MALRD1: variants seen among roughly 807,000 people sequenced by gnomAD.
MALRD1 encodes MAM and LDL receptor class A domain containing 1.
A neutral mutation model predicts 242.1 loss-of-function variants in MALRD1; 247 were observed. That is an observed-to-expected ratio of 1.02 (90% CI 0.92 to 1.13). MALRD1 has a LOEUF of 1.13. Ranked by LOEUF, MALRD1 falls within the 50% of genes most tolerant of loss-of-function variation. The pLI, the probability that MALRD1 is intolerant of heterozygous loss-of-function variation, is 0.00. For missense variants in MALRD1, 2,989 were observed against 2,533.1 expected (o/e 1.18, Z -3.86); for synonymous variants, 995 against 866.6 (o/e 1.15, Z -2.60).
Position 19,733,637 on chromosome 10 carries a change from A to AT in MALRD1, c.6391-511dup, listed in dbSNP as rs954502298. ...TCATCTCTAGGTTCCATTCTGTCTT[A>AT]TTTTTTTTTCTTGCACATTATTTGT... On this transcript the variant is annotated intron_variant, in intron 39 of 39. Transcript: ENST00000454679. Among the ~76,000 whole-genome samples the AT allele has an allele frequency of 1.2e-3, 171 of 148,550 alleles. 1 individual carries two copies. The highest frequency in any genetic ancestry group is 3.9e-3 in the African/African-American group (159 of 40,688).
chr10:19,599,104 A>G (rs969006191), intron 34 of MALRD1, among the ~76,000 whole-genome samples: 3 of 152,160 alleles, frequency 2.0e-5, no homozygotes, highest in Non-Finnish European at 2.9e-5. Flanking sequence ...AGGGAAATCA[A>G]TTGTAGATAA....
chr10:19,260,285 A>G (rs568579976), intron 19 of MALRD1, among the ~76,000 whole-genome samples: 79 of 109,494 alleles, frequency 7.2e-4, no homozygotes, highest in African/African-American at 2.0e-3. Context: ...AGACAGACAG[A>G]TAGATAGACA....
At chr10:19,721,942 C>G (rs1049873131) in intron 38 of MALRD1, 1 of 152,188 alleles carries the variant, frequency 6.6e-6, no homozygotes, top group Non-Finnish European at 1.5e-5. Context: ...AAACATGGCT[C>G]TATTAAACAA....
In MALRD1 at chr10:19,103,969, T is replaced by C; in HGVS notation, c.598-10T>C. The C allele has an allele frequency of 8.1e-7, 1 of 1,231,218 alleles. No individual in the cohort carries two copies. The highest frequency in any genetic ancestry group is 4.1e-5 in the South Asian group (1 of 24,356). The allele number at this position is 1,231,218 out of a possible 1,614,324, so 76.3% of individuals were successfully genotyped here. A position where few individuals can be genotyped will look rare whatever the true frequency, so the allele number is the denominator to read the frequency against. ...TTTTTGTTTTGTTTTGTTTTGTTTT[T>C]CTGGTGCAGGTTGTTTTTGAAGGTC... On this transcript the variant is annotated splice_polypyrimidine_tract_variant and intron_variant, in intron 4 of 39. Coordinates refer to ENST00000454679, the MANE Select transcript of MALRD1 (RefSeq NM_001142308.3).
At chr10:19,342,923 A>G (rs549806717) in intron 24 of MALRD1, among the ~76,000 whole-genome samples, 6 of 152,238 alleles carry the variant, frequency 3.9e-5, no homozygotes, top group East Asian at 3.9e-4. Context: ...AGGAAAAATT[A>G]TATATGAAGG....
At chr10:19,225,719 C>G (rs770972102) in intron 18 of MALRD1, among the ~76,000 whole-genome samples, 2 of 152,058 alleles carry the variant, frequency 1.3e-5, no homozygotes, top group African/African-American at 2.4e-5. Context: ...GAAAGCCTAC[C>G]AAGAATTGTC....
intron 11 of MALRD1, among the ~76,000 whole-genome samples, chr10:19,150,236 G>GT (rs900876908): frequency 1.3e-4 from 20 of 151,512 alleles, no homozygotes; most frequent in African/African-American, 2.2e-4. Flanking sequence ...TTTTGTTTTT[G>GT]TTTTTTTTGC....
chr10:19,481,381 A>G (rs1016690255), intron 29 of MALRD1, among the ~76,000 whole-genome samples: 2 of 152,312 alleles, frequency 1.3e-5, no homozygotes, highest in East Asian at 3.9e-4. Flanking sequence ...ATCATGGTGA[A>G]TCGAAAATAT....
At chr10:19,534,122 C>T (rs112484486) in intron 32 of MALRD1, among the ~76,000 whole-genome samples, 1 of 152,148 alleles carries the variant, frequency 6.6e-6, no homozygotes, top group Non-Finnish European at 1.5e-5. Context: ...AACCCTCAAT[C>T]CCAGTTTTTC....
intron 38 of MALRD1, among the ~76,000 whole-genome samples, chr10:19,707,344 A>C (rs1833913745): frequency 6.6e-6 from 1 of 152,120 alleles, no homozygotes; most frequent in African/African-American, 2.4e-5. Flanking sequence ...CACCTTCGTA[A>C]ATTGCCACTT....
intron 18 of MALRD1, among the ~76,000 whole-genome samples, chr10:19,219,389 A>G (rs1186216911): frequency 6.6e-6 from 1 of 152,152 alleles, no homozygotes; most frequent in Non-Finnish European, 1.5e-5. Flanking sequence ...AGTTTATATA[A>G]GAAAGAGTAC....
chr10:19,555,052 C>T (rs1285692932), intron 32 of MALRD1, among the ~76,000 whole-genome samples: 1 of 152,116 alleles, frequency 6.6e-6, no homozygotes, highest in East Asian at 1.9e-4. Context: ...TCTCCAGCAT[C>T]TGTTGTTTCT....
chr10:19,186,366 G>A (rs1835737491), intron 14 of MALRD1, among the ~76,000 whole-genome samples: 1 of 152,150 alleles, frequency 6.6e-6, no homozygotes, highest in Admixed American at 6.5e-5. Flanking sequence ...TGGAGAAAAC[G>A]TCCATTCACC....
chr10:19,722,766 G>A (rs532282913), intron 38 of MALRD1, among the ~76,000 whole-genome samples: 1 of 152,104 alleles, frequency 6.6e-6, no homozygotes, highest in Admixed American at 6.6e-5. Flanking sequence ...ACAAAAGGAG[G>A]AAAGCATAAG....
chr10:19,676,657 G>A lies in MALRD1; in HGVS notation c.6138-15625G>A, dbSNP rs999603456. ...GTCTTCTAAACTGGAACATACAAAT[G>A]TCACTGTTTTATTGTATTATTTTAT... On this transcript the variant is annotated intron_variant, in intron 36 of 39. Coordinates refer to ENST00000454679, the MANE Select transcript of MALRD1 (RefSeq NM_001142308.3). Among the ~76,000 whole-genome samples, 10 of 152,202 alleles carry A rather than the reference G, an allele frequency of 6.6e-5. 1 individual carries two copies. Among genetic ancestry groups the A allele is most frequent in the Admixed American group, 5.9e-4 (9 of 15,282 alleles).
At chr10:19,151,540 A>G (rs981210449) in intron 11 of MALRD1, among the ~76,000 whole-genome samples, 1 of 152,058 alleles carries the variant, frequency 6.6e-6, no homozygotes, top group Non-Finnish European at 1.5e-5. Context: ...TGTTTTATGT[A>G]CTGGACAGAA....
intron 36 of MALRD1, among the ~76,000 whole-genome samples, chr10:19,676,082 C>T (rs1433381463): frequency 1.3e-5 from 2 of 152,140 alleles, no homozygotes; most frequent in Non-Finnish European, 2.9e-5. Flanking sequence ...GAGTATGTTT[C>T]TTGGGGGAAG....
intron 4 of MALRD1, among the ~76,000 whole-genome samples, chr10:19,099,368 C>T (rs547490899): frequency 2.7e-4 from 41 of 152,272 alleles, no homozygotes; most frequent in African/African-American, 9.1e-4. Flanking sequence ...TATTATCCAT[C>T]GGTCATCACC....
At chr10:19,203,595 C>A in intron 14 of MALRD1, 133 bp from the exon 15 acceptor site, 1 of 833,018 alleles carries the variant, frequency 1.2e-6, no homozygotes, top group Non-Finnish European at 1.7e-6. Context: ...TTTTTATTTT[C>A]TGAAATGTGT....
Sources: gnomAD v4.1 joint callset for allele counts (sites outside exome capture counted in the v4.1 genomes callset) on GRCh38, gnomAD v4.1.1 for gene constraint, MANE v1.5 for transcripts, NCBI Gene and HGNC (gene_info 2026-07-23, HGNC 2026-07-21) for gene names.